SPTBN1: variants seen among roughly 807,000 people sequenced by gnomAD.
The protein encoded by SPTBN1 is spectrin beta chain, non-erythrocytic 1.
SPTBN1 carries 32 observed loss-of-function variants against 266.4 expected under a neutral mutation model. The ratio of observed to expected loss-of-function variants is 0.12; its 90% CI spans 0.09 to 0.16. The LOEUF is 0.16. Ranked by LOEUF, SPTBN1 falls within the 10% of genes least tolerant of loss-of-function variation. The pLI, the probability that SPTBN1 is intolerant of heterozygous loss-of-function variation, is 1.00. For missense variants in SPTBN1, 2,296 were observed against 3,067.1 expected, an observed-to-expected ratio of 0.75 and a Z score of 5.94; for synonymous variants, 1,336 against 1,162.2, an observed-to-expected ratio of 1.15 and a Z score of -3.04.
In SPTBN1 at chr2:54,645,853, G is replaced by A; in HGVS notation, c.4495-75G>A. On this transcript the variant is annotated intron_variant, in intron 21 of 35. Coordinates refer to ENST00000356805, the MANE Select transcript of SPTBN1 (RefSeq NM_003128.3). The surrounding 1 kb of genome is among the most constrained non-coding windows in gnomAD (Gnocchi z 4.3). ...AAGCTCACCCTTGCTGTCCCTCACT[G>A]CCCCTCACTGCTCGTTTGTGTCGTA... The A allele has an allele frequency of 6.6e-7, 1 of 1,515,256 alleles. No individual in the cohort carries two copies. The highest frequency in any genetic ancestry group is 1.4e-5 in the African/African-American group (1 of 73,132). 93.9% of individuals were successfully genotyped at this position (1,515,256 alleles called of 1,614,324 possible). A position where few individuals can be genotyped will look rare whatever the true frequency, so the allele number is the denominator to read the frequency against.
chr2:54,624,236 A>C (rs764272445), intron 10 of SPTBN1, among the ~76,000 whole-genome samples: 5 of 152,198 alleles, frequency 3.3e-5, no homozygotes, highest in Non-Finnish European at 7.3e-5. Context: ...TCGGCTTTCA[A>C]AGTGCTGGAA....
rs564094329 is a variant in SPTBN1 at position 54,650,672 on chromosome 2, C to CT, written c.5577+684dup. Among the ~76,000 whole-genome samples, 646 of 152,278 alleles carry CT rather than the reference C, an allele frequency of 4.2e-3. 4 individuals carry two copies. Among genetic ancestry groups the CT allele is most frequent in the Non-Finnish European group, 6.9e-3 (471 of 68,026 alleles). On this transcript the variant is annotated intron_variant, in intron 26 of 35. Coordinates refer to ENST00000356805, the MANE Select transcript of SPTBN1 (RefSeq NM_003128.3). ...TTGTTGTTAAGAGTATATTGAGTAT[C>CT]TAAGTTATCTCAGCTTTTTCTGTTA...
chr2:54,607,986 G>A (rs570922991), intron 3 of SPTBN1, among the ~76,000 whole-genome samples: 27 of 152,310 alleles, frequency 1.8e-4, no homozygotes, highest in African/African-American at 6.3e-4. Flanking sequence ...GCACATAGCT[G>A]AGGATCTTAA....
Position 54,646,448 on chromosome 2 carries a change from G to A in SPTBN1, c.4839G>A (p.Leu1613=). ...EAEAWMSEQE[L]YMMSEEKAKD... ...AAGCCTGGATGAGCGAGCAGGAGCT[G>A]TACATGATGTCAGAGGAGAAGGCCA... is the stretch of plus-strand genomic sequence containing the variant. Residue 1613 remains leucine, a synonymous_variant, in exon 23 of 36, where the codon CTG becomes CTA. Transcript: ENST00000356805. This position sits in a 1 kb window ranked among gnomAD's most constrained non-coding sequence, Gnocchi z 4.4. 1.3e-6 allele frequency: 2 copies of A among 1,558,686 alleles called. No homozygotes were observed. The highest frequency in any genetic ancestry group is 1.2e-5 in the South Asian group (1 of 82,922).
At chr2:54,600,714 ATT>A (rs374090607) in intron 3 of SPTBN1, among the ~76,000 whole-genome samples, 6 of 126,920 alleles carry the variant, frequency 4.7e-5, no homozygotes, top group African/African-American at 8.9e-5. Context: ...TTATTTATTG[ATT>A]TTTTTTTTTT....
chr2:54,574,181 A>G (rs960454197), intron 2 of SPTBN1, among the ~76,000 whole-genome samples: 16 of 152,126 alleles, frequency 1.1e-4, no homozygotes, highest in African/African-American at 3.9e-4. Context: ...TATGACATAC[A>G]TTATCTAATT....
At position 54,626,833 on chromosome 2, in the gene SPTBN1, G is replaced by C. The variant is rs1268502629; in HGVS notation, c.1644+599G>C. Among the ~76,000 whole-genome samples the C allele has an allele frequency of 6.6e-6, 1 of 152,204 alleles. No homozygotes were observed. The highest frequency in any genetic ancestry group is 1.5e-5 in the Non-Finnish European group (1 of 68,032). ...TGGGATGGGCTGGATGGCAGTGGCT[G>C]GTCATGCCATTTATTGACTGCTCTT... On this transcript the variant is annotated intron_variant, in intron 12 of 35. Coordinates refer to ENST00000356805, the MANE Select transcript of SPTBN1 (RefSeq NM_003128.3). This position sits in a 1 kb window ranked among gnomAD's most constrained non-coding sequence, Gnocchi z 4.7.
chr2:54,547,668 G>A (rs182823202), intron 2 of SPTBN1, among the ~76,000 whole-genome samples: 2 of 152,272 alleles, frequency 1.3e-5, no homozygotes, highest in Admixed American at 6.5e-5. Context: ...AGGCACCAAC[G>A]TGGTCTCAAA....
intron 1 of SPTBN1, among the ~76,000 whole-genome samples, chr2:54,509,568 C>T (rs889659098): frequency 6.6e-6 from 1 of 152,192 alleles, no homozygotes; most frequent in Non-Finnish European, 1.5e-5. Flanking sequence ...TATCCATTGT[C>T]CTTATCTTTA....
At chr2:54,502,337 G>A (rs1415854007) in intron 1 of SPTBN1, among the ~76,000 whole-genome samples, 1 of 152,120 alleles carries the variant, frequency 6.6e-6, no homozygotes, top group Non-Finnish European at 1.5e-5. Flanking sequence ...CATCAATTTA[G>A]TGCTGTGGGG....
In SPTBN1 at chr2:54,670,832, G is replaced by C. The variant is rs1260074074; in HGVS notation, c.*2263G>C. ...AAGGATCCACTGAGGCCTGAATGTGGAAGATGATGGGCAGCGAGAGGAGCG... is the reference window on the plus strand; with the variant it reads ...AAGGATCCACTGAGGCCTGAATGTGCAAGATGATGGGCAGCGAGAGGAGCG... On this transcript the variant is annotated 3_prime_UTR_variant, in exon 36 of 36. Transcript: ENST00000356805. 1 of 398,478 alleles carries C rather than the reference G, an allele frequency of 2.5e-6. No homozygotes were observed. Among genetic ancestry groups the C allele is most frequent in the Non-Finnish European group, 4.4e-6 (1 of 226,072 alleles). The allele number at this position is 398,478 out of a possible 1,614,324, so 24.7% of individuals were successfully genotyped here.
intron 19 of SPTBN1, among the ~76,000 whole-genome samples, chr2:54,643,880 G>A (rs1332304684): frequency 6.6e-6 from 1 of 152,108 alleles, no homozygotes; most frequent in Non-Finnish European, 1.5e-5. Flanking sequence ...CTATTGGGGA[G>A]GCTGAGGCAC....
intron 2 of SPTBN1, among the ~76,000 whole-genome samples, chr2:54,594,719 A>G (rs1016640976): frequency 1.3e-5 from 2 of 152,196 alleles, no homozygotes; most frequent in Non-Finnish European, 2.9e-5. Context: ...GGGATTTTTA[A>G]ATAGCTGGCC....
intron 1 of SPTBN1, among the ~76,000 whole-genome samples, chr2:54,525,278 C>T (rs1056143442): frequency 6.6e-6 from 1 of 151,956 alleles, no homozygotes; most frequent in African/African-American, 2.4e-5. Flanking sequence ...GAGTTTTGCT[C>T]CTGTTGCCCA....
At chr2:54,495,166 G>T (rs1055746293) in intron 1 of SPTBN1, among the ~76,000 whole-genome samples, 8 of 152,098 alleles carry the variant, frequency 5.3e-5, no homozygotes, top group African/African-American at 4.8e-5. Flanking sequence ...ATCATAGGAG[G>T]TTGCAGGTGT....
At chr2:54,644,688 A>G (rs1679805486) in intron 20 of SPTBN1, 102 bp downstream of exon 20, 1 of 1,452,938 alleles carries the variant, frequency 6.9e-7, no homozygotes, top group Non-Finnish European at 9.2e-7. Flanking sequence ...TCCACCTTCC[A>G]TGGGAAGGCA....
At position 54,526,369 on chromosome 2, in the gene SPTBN1, T is replaced by C. The variant is rs112211297; in HGVS notation, c.-47-3T>C. 1.1e-5 allele frequency: 17 copies of C among 1,602,626 alleles called. No individual in the cohort carries two copies. The highest frequency in any genetic ancestry group is 1.4e-5 in the Non-Finnish European group (17 of 1,173,864). ...TAAATGTTTTTCCTTTTCTTTCTCA[T>C]AGAACTCTAAGAAGGAGCTGATGTG... On this transcript the variant is annotated splice_polypyrimidine_tract_variant and splice_region_variant and intron_variant, in intron 1 of 35. Transcript: ENST00000356805.
chr2:54,457,027 C>A (rs1034140467), intron 1 of SPTBN1, among the ~76,000 whole-genome samples: 1 of 151,696 alleles, frequency 6.6e-6, no homozygotes, highest in African/African-American at 2.4e-5. Flanking sequence ...CCGGGCTCTG[C>A]GCGTAGCGGT....
At chr2:54,656,384 A>C (rs1278399365) in intron 29 of SPTBN1, among the ~76,000 whole-genome samples, 1 of 152,252 alleles carries the variant, frequency 6.6e-6, no homozygotes, top group Non-Finnish European at 1.5e-5. Flanking sequence ...TGATAACATA[A>C]TAAAAACTAA....
Sources: allele counts gnomAD v4.1 joint callset (sites outside exome capture counted in the v4.1 genomes callset), GRCh38; gene constraint gnomAD v4.1.1; non-coding constraint Gnocchi (gnomAD v3.1); transcripts MANE v1.5; gene names NCBI Gene and HGNC (gene_info 2026-07-23, HGNC 2026-07-21).